Variants in KCNAB1 observed in about 807,000 individuals in gnomAD.
The protein encoded by KCNAB1 is potassium voltage-gated channel subfamily A regulatory beta subunit 1, also known as voltage-gated potassium channel subunit beta-1.
KCNAB1 carries 35 observed loss-of-function variants against 64.6 expected under a neutral mutation model. The ratio of observed to expected loss-of-function variants is 0.54; its 90% confidence interval spans 0.41 to 0.72. The LOEUF is 0.72. Ranked by LOEUF, KCNAB1 falls within the 30% of genes least tolerant of loss-of-function variation. KCNAB1 has a pLI of 0.00. For synonymous variants in KCNAB1, 177 were observed against 183.8 expected, an observed-to-expected ratio of 0.96 and a Z score of 0.30; for missense variants, 401 against 512.9, an observed-to-expected ratio of 0.78 and a Z score of 2.11.
chr3:156,284,784 T>C (rs575568931), intron 1 of KCNAB1, among the ~76,000 whole-genome samples: 4 of 152,340 alleles, frequency 2.6e-5, no homozygotes, highest in East Asian at 1.9e-4. Flanking sequence ...CCCTGACCCC[T>C]TGTGCTTCCC....
chr3:156,476,566 CACACACACACACATATAT>C (rs1001069038), intron 8 of KCNAB1, among the ~76,000 whole-genome samples: 101 of 79,162 alleles, frequency 1.3e-3, no homozygotes, highest in African/African-American at 2.5e-3. Flanking sequence ...CACACATATA[CACACACACACACATATAT>C]ACACACACAC....
chr3:156,320,720 C>T (rs527881133), intron 1 of KCNAB1, among the ~76,000 whole-genome samples: 4 of 152,284 alleles, frequency 2.6e-5, no homozygotes, highest in Non-Finnish European at 5.9e-5. Context: ...CCTACAAAGA[C>T]ACCTCCACAA....
At chr3:156,510,246 C>A (rs746760329) in intron 8 of KCNAB1, among the ~76,000 whole-genome samples, 1 of 152,230 alleles carries the variant, frequency 6.6e-6, no homozygotes, top group Non-Finnish European at 1.5e-5. Flanking sequence ...TTTCTCATTT[C>A]TGCTACACAT....
upstream of KCNAB1, among the ~76,000 whole-genome samples, chr3:156,118,977 G>T (rs1306916832): frequency 2.0e-5 from 3 of 152,176 alleles, no homozygotes; most frequent in African/African-American, 4.8e-5. Flanking sequence ...GCATCAGATG[G>T]GACTGACCCT....
intron 1 of KCNAB1, among the ~76,000 whole-genome samples, chr3:156,259,995 G>T (rs1718334219): frequency 6.6e-6 from 1 of 152,100 alleles, no homozygotes; most frequent in African/African-American, 2.4e-5. Flanking sequence ...CCTTGTTAGG[G>T]ATGTCTAGTA....
upstream of KCNAB1, chr3:156,118,316 G>A (rs755332010): frequency 3.9e-5 from 18 of 455,790 alleles, no homozygotes; most frequent in South Asian, 2.3e-4. Context: ...CCTGCATGTG[G>A]CTGTCCAGCA....
chr3:156,431,896 C>A (rs998327558), intron 2 of KCNAB1, among the ~76,000 whole-genome samples: 5 of 152,208 alleles, frequency 3.3e-5, no homozygotes, highest in Non-Finnish European at 7.3e-5. Flanking sequence ...TCATGCCTCA[C>A]ATCCCATTGG....
intron 3 of KCNAB1, among the ~76,000 whole-genome samples, chr3:156,453,897 G>T (rs1712198258): frequency 6.6e-6 from 1 of 152,194 alleles, no homozygotes; most frequent in Non-Finnish European, 1.5e-5. Context: ...GCAGGATGGT[G>T]GTTAAGATTA....
At chr3:156,455,306 G>T (rs1266380743) in intron 3 of KCNAB1, among the ~76,000 whole-genome samples, 3 of 152,224 alleles carry the variant, frequency 2.0e-5, no homozygotes, top group African/African-American at 7.2e-5. Context: ...GTTAATTGTT[G>T]ATAATTACAT....
At chr3:156,426,139 T>A (rs962464016) in intron 2 of KCNAB1, among the ~76,000 whole-genome samples, 1 of 152,170 alleles carries the variant, frequency 6.6e-6, no homozygotes, top group Non-Finnish European at 1.5e-5. Context: ...TTAGCTCTTG[T>A]CTTCTATGTC....
chr3:156,127,881 T>TGG (rs200402498), intron 1 of KCNAB1, among the ~76,000 whole-genome samples: 47 of 79,728 alleles, frequency 5.9e-4, no homozygotes, highest in African/African-American at 1.5e-3. Context: ...CCTCTTCATT[T>TGG]GGGGTGTGTG....
At chr3:156,415,352 G>C (rs911811677) in intron 1 of KCNAB1, among the ~76,000 whole-genome samples, 3 of 152,168 alleles carry the variant, frequency 2.0e-5, no homozygotes, top group African/African-American at 7.2e-5. Context: ...AGTAGTGTGC[G>C]ATGATTACCT....
intron 1 of KCNAB1, among the ~76,000 whole-genome samples, chr3:156,209,315 A>T (rs1335570054): frequency 6.6e-6 from 1 of 152,184 alleles, no homozygotes; most frequent in African/African-American, 2.4e-5. Flanking sequence ...ATGGCAGGGA[A>T]ACAGACTGTA....
intron 5 of KCNAB1, 70 bp from the exon 6 acceptor site, chr3:156,463,629 TATA>T: frequency 6.9e-6 from 8 of 1,167,278 alleles, no homozygotes; most frequent in Non-Finnish European, 9.9e-6. Context: ...CTGGTGCTAT[TATA>T]ATAATATGAC....
rs557246275 is a variant in KCNAB1 at position 156,250,761 on chromosome 3, CTAAAACACCCCAGAGA to C, written c.275+129881_275+129896del. On this transcript the variant is annotated intron_variant, in intron 1 of 13. Transcript: ENST00000490337. The stretch of plus-strand genomic sequence containing the variant: ...GGATTTGCCCTGTCAGCTAGATGAG[CTAAAACACCCCAGAGA>C]TAAAAGAGTGACAAAGGTCATAGTC... Among the ~76,000 whole-genome samples the C allele has an allele frequency of 7.7e-3, 1,169 of 152,256 alleles. 12 individuals are homozygous for C. Among genetic ancestry groups the C allele is most frequent in the African/African-American group, 0.027 (1,117 of 41,554 alleles).
chr3:156,470,776 A>T (rs1713826679), intron 7 of KCNAB1, among the ~76,000 whole-genome samples: 1 of 152,230 alleles, frequency 6.6e-6, no homozygotes, highest in Admixed American at 6.5e-5. Flanking sequence ...CTTAAACTCT[A>T]TGAACTTTAA....
At chr3:156,127,518 G>C (rs772554856) in intron 1 of KCNAB1, among the ~76,000 whole-genome samples, 7 of 152,202 alleles carry the variant, frequency 4.6e-5, no homozygotes, top group Non-Finnish European at 7.3e-5. Context: ...TTGCATATTA[G>C]AGAAAATGTT....
At chr3:156,349,077 T>A (rs1290141093) in intron 1 of KCNAB1, among the ~76,000 whole-genome samples, 1 of 152,180 alleles carries the variant, frequency 6.6e-6, no homozygotes, top group East Asian at 1.9e-4. Context: ...CAGAGGAAAC[T>A]GAGACACAGG....
intron 1 of KCNAB1, among the ~76,000 whole-genome samples, chr3:156,349,738 A>AT (rs1025721848): frequency 6.6e-5 from 10 of 151,806 alleles, no homozygotes; most frequent in African/African-American, 1.9e-4. Flanking sequence ...GTTTTTTTGT[A>AT]TTTTTTTGTA....
Sources: allele counts gnomAD v4.1 joint callset (sites outside exome capture counted in the v4.1 genomes callset), GRCh38; gene constraint gnomAD v4.1.1; transcripts MANE v1.5; gene names NCBI Gene and HGNC (gene_info 2026-07-23, HGNC 2026-07-21).